The following NBEA variants were observed in gnomAD, a reference collection of about 807,000 sequenced individuals.
NBEA encodes the protein lysosomal-trafficking regulator 2.
A neutral mutation model predicts 343.4 loss-of-function variants in NBEA; 44 were observed. That is an observed-to-expected ratio of 0.13 (90% CI 0.10 to 0.16). The LOEUF is 0.16. Among genes scored for constraint, NBEA ranks in the 10% least tolerant of loss-of-function variants. The pLI, the probability that NBEA is intolerant of heterozygous loss-of-function variation, is 1.00. For missense variants in NBEA, 2,555 were observed against 3,631.3 expected, an observed-to-expected ratio of 0.70 and a Z score of 7.62; for synonymous variants, 1,175 against 1,238.7, an observed-to-expected ratio of 0.95 and a Z score of 1.08.
chr13:35,573,139 A>G (rs2080525682), intron 45 of NBEA, among the ~76,000 whole-genome samples: 1 of 152,238 alleles, frequency 6.6e-6, no homozygotes, highest in Non-Finnish European at 1.5e-5. Context: ...AATTGTTTTC[A>G]TTAGACTTGC....
intron 41 of NBEA, among the ~76,000 whole-genome samples, chr13:35,535,741 A>G (rs2078507828): frequency 6.6e-6 from 1 of 152,210 alleles, no homozygotes; most frequent in Non-Finnish European, 1.5e-5. Context: ...CTGAAGTTAT[A>G]CAAACTTTAG....
At chr13:35,274,951 A>G (rs138583152) in intron 34 of NBEA, among the ~76,000 whole-genome samples, 2 of 152,332 alleles carry the variant, frequency 1.3e-5, no homozygotes, top group East Asian at 1.9e-4. Flanking sequence ...TATAGATTCA[A>G]TGCTATTACC....
chr13:35,090,547 G>A (rs1259826910), intron 10 of NBEA, among the ~76,000 whole-genome samples: 1 of 151,864 alleles, frequency 6.6e-6, no homozygotes, highest in East Asian at 1.9e-4. Flanking sequence ...ACAACTATTA[G>A]GGATGTGGTG....
At chr13:34,991,007 A>G (rs893465408) in intron 1 of NBEA, among the ~76,000 whole-genome samples, 1 of 152,180 alleles carries the variant, frequency 6.6e-6, no homozygotes, top group African/African-American at 2.4e-5. Context: ...AACAAAAGTG[A>G]TCTTTGCCCC....
At chr13:35,480,789 A>T (rs1231243414) in intron 41 of NBEA, among the ~76,000 whole-genome samples, 1 of 151,818 alleles carries the variant, frequency 6.6e-6, no homozygotes, top group African/African-American at 2.4e-5. Flanking sequence ...GGTTTTCTTT[A>T]TGTGTCACAT....
intron 18 of NBEA, among the ~76,000 whole-genome samples, chr13:35,143,683 GAC>G (rs1292090054): frequency 1.3e-5 from 2 of 152,126 alleles, no homozygotes; most frequent in Middle Eastern, 3.4e-3. Flanking sequence ...AAAAATGAGA[GAC>G]ATTGAGAAAG....
Position 35,050,302 on chromosome 13 carries a change from T to C in NBEA, c.879T>C (p.Ala293=). Residue 293 remains alanine, a synonymous_variant, in exon 6 of 59, where the codon GCT becomes GCC. Transcript: ENST00000379939. ...FRTSKGVGYS[A]HFVGNCLIVT... ...CTAGCAAAGGAGTTGGTTACTCTGC[T>C]CATTTTGTTGGCAACTGTTTAATAG... is the stretch of plus-strand genomic sequence containing the variant. 6.2e-7 allele frequency: 1 copy of C among 1,609,186 alleles called. No individual in the cohort carries two copies. Among genetic ancestry groups the C allele is most frequent in the Non-Finnish European group, 8.5e-7 (1 of 1,178,022 alleles).
At chr13:35,139,753 T>TTTTG (rs1555316319) in intron 17 of NBEA, among the ~76,000 whole-genome samples, 5 of 143,626 alleles carry the variant, frequency 3.5e-5, no homozygotes, top group Non-Finnish European at 7.6e-5. Flanking sequence ...CGTTTTTTTT[T>TTTTG]TTTTTTTTTT....
chr13:35,550,602 C>T lies in NBEA; in HGVS notation c.6703+8C>T. On this transcript the variant is annotated splice_region_variant and intron_variant, in intron 42 of 58. Transcript: ENST00000379939. ...TATTTATGGCAAACCGAAGTAAGTCCCCTTAATATTTTGAAAGAAAATGTG... is the reference window on the plus strand; with the variant it reads ...TATTTATGGCAAACCGAAGTAAGTCTCCTTAATATTTTGAAAGAAAATGTG... 1.3e-6 allele frequency: 2 copies of T among 1,540,624 alleles called. No homozygotes were observed. The highest frequency in any genetic ancestry group is 1.4e-5 in the African/African-American group (1 of 73,322).
intron 41 of NBEA, among the ~76,000 whole-genome samples, chr13:35,488,192 G>A (rs184959107): frequency 4.1e-4 from 62 of 151,916 alleles, no homozygotes; most frequent in African/African-American, 1.5e-3. Context: ...TTCTAAAAAT[G>A]TGTTCATAAG....
At chr13:35,003,144 T>C (rs556080478) in intron 1 of NBEA, among the ~76,000 whole-genome samples, 1 of 152,166 alleles carries the variant, frequency 6.6e-6, no homozygotes, top group East Asian at 1.9e-4. Context: ...TGGTAAAAAG[T>C]TGGATATATT....
At chr13:35,247,169 C>G (rs956080587) in intron 34 of NBEA, among the ~76,000 whole-genome samples, 2 of 152,142 alleles carry the variant, frequency 1.3e-5, no homozygotes, top group African/African-American at 2.4e-5. Flanking sequence ...TGTTTCCAGG[C>G]AGTGGGTGAG....
intron 56 of NBEA, 67 bp downstream of exon 56, chr13:35,665,253 G>A: frequency 7.7e-7 from 1 of 1,300,408 alleles, no homozygotes; most frequent in Non-Finnish European, 1.1e-6. Flanking sequence ...AAGCGTGATT[G>A]TCAGTTTATT....
At chr13:35,155,728 T>C in intron 18 of NBEA, 46 bp from the exon 19 acceptor site, 1 of 1,436,366 alleles carries the variant, frequency 7.0e-7, no homozygotes, top group Non-Finnish European at 9.8e-7. Context: ...TTGCAATTAT[T>C]ATTTAAATTG....
At chr13:35,231,078 G>A (rs556085899) in intron 33 of NBEA, among the ~76,000 whole-genome samples, 1 of 151,854 alleles carries the variant, frequency 6.6e-6, no homozygotes, top group African/African-American at 2.4e-5. Flanking sequence ...TTTTTCTTAC[G>A]GGAAAATGTT....
intron 41 of NBEA, among the ~76,000 whole-genome samples, chr13:35,516,249 A>G (rs2077483565): frequency 6.6e-6 from 1 of 152,200 alleles, no homozygotes. Flanking sequence ...AAGGTAACAA[A>G]GGATTAAGAT....
intron 17 of NBEA, among the ~76,000 whole-genome samples, chr13:35,135,194 G>A (rs1229872210): frequency 3.9e-5 from 6 of 152,142 alleles, no homozygotes; most frequent in South Asian, 2.1e-4. Flanking sequence ...TATAGTTTCC[G>A]TGTAAACATT....
intron 39 of NBEA, among the ~76,000 whole-genome samples, chr13:35,446,115 C>T (rs903403496): frequency 6.6e-6 from 1 of 151,848 alleles, no homozygotes; most frequent in African/African-American, 2.4e-5. Flanking sequence ...TGGTTTCCGG[C>T]TTCATCCATG....
At chr13:35,509,186 C>T (rs971312281) in intron 41 of NBEA, among the ~76,000 whole-genome samples, 6 of 152,166 alleles carry the variant, frequency 3.9e-5, no homozygotes, top group African/African-American at 1.4e-4. Context: ...CCCCTTGCAT[C>T]CTAGGGAAAA....
Sources: allele counts gnomAD v4.1 joint callset (sites outside exome capture counted in the v4.1 genomes callset), GRCh38; gene constraint gnomAD v4.1.1; transcripts MANE v1.5; gene names NCBI Gene and HGNC (gene_info 2026-07-23, HGNC 2026-07-21).